NRG1: variants seen among roughly 807,000 people sequenced by gnomAD.
The protein encoded by NRG1 is pro-neuregulin-1, membrane-bound isoform.
Under a neutral mutation model 63.8 loss-of-function variants are expected in NRG1, and 18 were observed. The ratio of observed to expected loss-of-function variants is 0.28; its 90% CI spans 0.19 to 0.42. The LOEUF (loss-of-function observed/expected upper bound fraction) is 0.42. Ranked by LOEUF, NRG1 falls within the 10% of genes least tolerant of loss-of-function variation. The probability of loss-of-function intolerance (pLI) is 1.00; values close to 1 mark genes in which losing one functional copy is unlikely to be tolerated. For missense variants in NRG1, 762 were observed against 814.7 expected (o/e 0.94, Z 0.79); for synonymous variants, 302 against 301.3 (o/e 1.00, Z -0.02).
At chr8:32,343,938 A>C (rs1021280079) in intron 1 of NRG1, among the ~76,000 whole-genome samples, 9 of 152,236 alleles carry the variant, frequency 5.9e-5, no homozygotes, top group African/African-American at 1.4e-4. Flanking sequence ...GAAGGTCTGC[A>C]GTATATAAAA....
chr8:32,303,729 T>C (rs1855891717), intron 1 of NRG1, among the ~76,000 whole-genome samples: 1 of 152,214 alleles, frequency 6.6e-6, no homozygotes, highest in Admixed American at 6.5e-5. Flanking sequence ...AATGTATTAT[T>C]CATACTATTT....
chr8:32,011,874 T>C (rs1174522926), intron 1 of NRG1, among the ~76,000 whole-genome samples: 1 of 152,128 alleles, frequency 6.6e-6, no homozygotes, highest in African/African-American at 2.4e-5. Context: ...TACTTTTAAG[T>C]GAGCTTTTGT....
chr8:32,499,485 T>G (rs1437625560), intron 1 of NRG1, among the ~76,000 whole-genome samples: 2 of 151,940 alleles, frequency 1.3e-5, no homozygotes, highest in Non-Finnish European at 2.9e-5. Context: ...GAGTTCAAGA[T>G]AAACCCGGGC....
chr8:31,751,544 G>A (rs1342195091), intron 1 of NRG1, among the ~76,000 whole-genome samples: 2 of 151,940 alleles, frequency 1.3e-5, no homozygotes, highest in Non-Finnish European at 2.9e-5. Context: ...TGCTTTGATG[G>A]CCATTTTAAG....
intron 1 of NRG1, among the ~76,000 whole-genome samples, chr8:32,184,641 T>A (rs1041993894): frequency 2.6e-5 from 4 of 152,118 alleles, no homozygotes; most frequent in African/African-American, 9.7e-5. Flanking sequence ...TGAACAAATA[T>A]GTAGTAGAGC....
chr8:32,357,887 T>C (rs1257496047), intron 1 of NRG1, among the ~76,000 whole-genome samples: 1 of 152,170 alleles, frequency 6.6e-6, no homozygotes, highest in Non-Finnish European at 1.5e-5. Context: ...CTCTGGAAGA[T>C]GTGGCAGACT....
At chr8:32,751,483 G>A (rs1469914289) in intron 7 of NRG1, among the ~76,000 whole-genome samples, 2 of 151,942 alleles carry the variant, frequency 1.3e-5, no homozygotes, top group African/African-American at 4.8e-5. Flanking sequence ...AAATTAATAT[G>A]GGGAAAAAAG....
intron 1 of NRG1, among the ~76,000 whole-genome samples, chr8:31,877,195 C>T (rs1829996275): frequency 6.6e-6 from 1 of 152,064 alleles, no homozygotes; most frequent in African/African-American, 2.4e-5. Flanking sequence ...AAGTTGATGG[C>T]CTTGTTATAA....
At chr8:32,711,320 GTAGA>G (rs1463962261) in intron 5 of NRG1, among the ~76,000 whole-genome samples, 2 of 151,492 alleles carry the variant, frequency 1.3e-5, no homozygotes, top group African/African-American at 2.4e-5. Context: ...CTGGCACATA[GTAGA>G]TATTTAATGA....
intron 1 of NRG1, among the ~76,000 whole-genome samples, chr8:32,322,445 G>A (rs1295706655): frequency 1.3e-5 from 2 of 151,518 alleles, no homozygotes; most frequent in African/African-American, 4.8e-5. Context: ...ATTTATAAAT[G>A]TATTAAGATA....
At chr8:31,790,334 G>T (rs2131658402) in intron 1 of NRG1, among the ~76,000 whole-genome samples, 1 of 152,280 alleles carries the variant, frequency 6.6e-6, no homozygotes, top group East Asian at 1.9e-4. Context: ...ATTAGGACAA[G>T]AAACTAACAG....
intron 5 of NRG1, among the ~76,000 whole-genome samples, chr8:32,691,558 T>TCC (rs1328862557): frequency 6.6e-6 from 1 of 152,196 alleles, no homozygotes; most frequent in African/African-American, 2.4e-5. Context: ...GAATTGCAAT[T>TCC]ACAACCACAA....
intron 1 of NRG1, among the ~76,000 whole-genome samples, chr8:31,733,396 C>T (rs75808262): frequency 3.6e-4 from 55 of 152,228 alleles, no homozygotes; most frequent in African/African-American, 9.4e-4. Flanking sequence ...TTTACAAAAT[C>T]CTGCCACTGT....
At chr8:32,119,317 A>C (rs1833141981) in intron 1 of NRG1, among the ~76,000 whole-genome samples, 1 of 152,128 alleles carries the variant, frequency 6.6e-6, no homozygotes, top group Non-Finnish European at 1.5e-5. Context: ...CGTAGCGACT[A>C]TTCGCTTTTG....
chr8:32,434,280 A>G (rs1004106080), intron 1 of NRG1, among the ~76,000 whole-genome samples: 1 of 152,196 alleles, frequency 6.6e-6, no homozygotes, highest in African/African-American at 2.4e-5. Flanking sequence ...GTACTGAGCT[A>G]AACGTTGTAT....
intron 1 of NRG1, among the ~76,000 whole-genome samples, chr8:32,119,302 A>C (rs779191364): frequency 6.6e-5 from 10 of 152,122 alleles, no homozygotes; most frequent in Non-Finnish European, 1.3e-4. Context: ...GTAAAACTAA[A>C]GTCACGTAGC....
At chr8:31,823,454 G>A (rs1171406246) in intron 1 of NRG1, among the ~76,000 whole-genome samples, 3 of 151,954 alleles carry the variant, frequency 2.0e-5, no homozygotes, top group Non-Finnish European at 2.9e-5. Context: ...ATACTACATT[G>A]TTTTATATTA....
chr8:31,697,002 A>G (rs891094697), intron 1 of NRG1, among the ~76,000 whole-genome samples: 10 of 152,350 alleles, frequency 6.6e-5, no homozygotes, highest in African/African-American at 2.4e-4. Context: ...CACTAGTTAC[A>G]GGTATATTTA....
At chr8:32,146,947 A>G (rs951610236) in intron 1 of NRG1, among the ~76,000 whole-genome samples, 2 of 152,192 alleles carry the variant, frequency 1.3e-5, no homozygotes, top group African/African-American at 4.8e-5. Context: ...ACTAAAGAGA[A>G]GAGATTGAGA....
Sources: allele counts gnomAD v4.1 joint callset (sites outside exome capture counted in the v4.1 genomes callset), GRCh38; gene constraint gnomAD v4.1.1; transcripts MANE v1.5; gene names NCBI Gene and HGNC (gene_info 2026-07-23, HGNC 2026-07-21).